Variants in SLC39A10 observed in about 807,000 individuals in gnomAD.
SLC39A10 encodes zinc transporter ZIP10.
Under a neutral mutation model 65.1 loss-of-function variants are expected in SLC39A10, and 13 were observed. That is an observed-to-expected ratio of 0.20 (90% confidence interval 0.13 to 0.32). The LOEUF (loss-of-function observed/expected upper bound fraction) is 0.32, where lower values mean the gene tolerates loss of function less well. Ranked by LOEUF, SLC39A10 falls within the 10% of genes least tolerant of loss-of-function variation. The probability of loss-of-function intolerance (pLI) is 1.00; values close to 1 mark genes in which losing one functional copy is unlikely to be tolerated. For synonymous variants in SLC39A10, 321 were observed against 342.2 expected (o/e 0.94, Z 0.68); for missense variants, 831 against 1,018.4 (o/e 0.82, Z 2.50).
intron 1 of SLC39A10, among the ~76,000 whole-genome samples, chr2:195,673,306 G>A (rs1179003928): frequency 1.3e-5 from 2 of 152,014 alleles, no homozygotes; most frequent in Non-Finnish European, 2.9e-5. Flanking sequence ...CTTCTGACAC[G>A]CCACCATGCC....
At chr2:195,716,574 T>C (rs77395426) in intron 6 of SLC39A10, 63 bp from the exon 7 acceptor site, 15 of 927,326 alleles carry the variant, frequency 1.6e-5, no homozygotes, top group African/African-American at 2.2e-5. Flanking sequence ...GCTATTCTGT[T>C]TAAATTAGCA....
intron 5 of SLC39A10, among the ~76,000 whole-genome samples, chr2:195,710,889 G>T (rs575617834): frequency 1.1e-3 from 169 of 152,152 alleles, no homozygotes; most frequent in African/African-American, 3.4e-3. Flanking sequence ...ATGGTGGGAG[G>T]GATGCCAACA....
intron 1 of SLC39A10, among the ~76,000 whole-genome samples, chr2:195,678,906 T>A (rs1277230493): frequency 6.6e-6 from 1 of 152,218 alleles, no homozygotes; most frequent in Non-Finnish European, 1.5e-5. Flanking sequence ...GAAATTAGTT[T>A]CATCTATTCT....
chr2:195,666,794 G>A (rs1689654679), intron 1 of SLC39A10, among the ~76,000 whole-genome samples: 1 of 152,180 alleles, frequency 6.6e-6, no homozygotes, highest in Non-Finnish European at 1.5e-5. Context: ...CATAATGCAT[G>A]TAACTAAAAT....
chr2:195,728,830 G>T lies in SLC39A10; in HGVS notation c.2337+481G>T, dbSNP rs1692332872. 6.6e-6 allele frequency among the ~76,000 whole-genome samples: 1 copy of T among 151,916 alleles called. No homozygotes were observed. Among genetic ancestry groups the T allele is most frequent in the Admixed American group, 6.6e-5 (1 of 15,252 alleles). ...AAATGCTAACAATTTGTTTTATTTT[G>T]ATTTTACTTTAATACCCCAAATATG... On this transcript the variant is annotated intron_variant, in intron 9 of 9. Transcript: ENST00000359634. The surrounding 1 kb of genome is among the most constrained non-coding windows in gnomAD (Gnocchi z 4.4).
Position 195,683,902 on chromosome 2 carries a change from A to G in SLC39A10, c.1212A>G (p.Ala404=), listed in dbSNP as rs267599135. The G allele has an allele frequency of 5.0e-6, 8 of 1,609,622 alleles. No individual in the cohort carries two copies. The highest frequency in any genetic ancestry group is 6.8e-6 in the Non-Finnish European group (8 of 1,177,718). The part of the protein sequence containing the change: ...LVPEDEANIG[A]SAWICGIISI... The stretch of plus-strand genomic sequence containing the variant: ...CTGAAGATGAGGCAAATATAGGGGC[A>G]TCAGGTAAGAGAGATTTTAAGTTTT... The change falls in exon 3 of 10, where the codon GCA becomes GCG. Residue 404 remains alanine, a synonymous_variant. Coordinates refer to ENST00000359634, the MANE Select transcript of SLC39A10 (RefSeq NM_020342.3).
intron 3 of SLC39A10, among the ~76,000 whole-genome samples, chr2:195,686,348 T>A (rs1036021194): frequency 6.6e-6 from 1 of 152,194 alleles, no homozygotes; most frequent in Non-Finnish European, 1.5e-5. Flanking sequence ...AAAATAAATT[T>A]AGACTAGATA....
At chr2:195,644,474 T>G (rs1264509233) in intron 2 of SLC39A10, among the ~76,000 whole-genome samples, 1 of 151,682 alleles carries the variant, frequency 6.6e-6, no homozygotes, top group African/African-American at 2.4e-5. Flanking sequence ...CTTGAGTAGC[T>G]GGGATTACAG....
intron 3 of SLC39A10, 135 bp from the exon 4 acceptor site, chr2:195,706,481 A>G (rs1691399164): frequency 1.6e-5 from 12 of 755,752 alleles, no homozygotes; most frequent in African/African-American, 1.9e-5. Flanking sequence ...TTTTTAAACA[A>G]TGCCTTAAAG....
intron 2 of SLC39A10, among the ~76,000 whole-genome samples, chr2:195,632,362 CCATCTCGGCT>C (rs1291950496): frequency 7.8e-6 from 1 of 127,432 alleles, no homozygotes; most frequent in East Asian, 2.2e-4. Context: ...TGCTGTGGTG[CCATCTCGGCT>C]CACTGCAACC....
rs922327023 is a variant in SLC39A10 at position 195,645,201 on chromosome 2, G to T, written c.-11-34831G>T. Among the ~76,000 whole-genome samples, 8 of 151,912 alleles carry T rather than the reference G, an allele frequency of 5.3e-5. No homozygotes were observed. In the East Asian group the frequency reaches 1.4e-3, roughly 26 times the overall value. On this transcript the variant is annotated intron_variant, in intron 2 of 2. Transcript: ENST00000458054. Reference sequence around the variant, plus strand: ...TGGGATTATAGGCATGAGCCACCGCGCCTGGCCATCTAACTACTTTATTTA... The same window carrying T: ...TGGGATTATAGGCATGAGCCACCGCTCCTGGCCATCTAACTACTTTATTTA...
intron 3 of SLC39A10, among the ~76,000 whole-genome samples, chr2:195,696,013 G>T (rs1370150583): frequency 2.6e-5 from 4 of 152,106 alleles, no homozygotes; most frequent in African/African-American, 4.8e-5. Context: ...TGGATATCTG[G>T]TTTTTCTTGC....
chr2:195,704,006 G>A (rs1300901362), intron 3 of SLC39A10, among the ~76,000 whole-genome samples: 1 of 151,992 alleles, frequency 6.6e-6, no homozygotes, highest in Non-Finnish European at 1.5e-5. Flanking sequence ...GTGCATTCTT[G>A]GCTAAAATAA....
chr2:195,648,118 G>A (rs536154525), intron 2 of SLC39A10, among the ~76,000 whole-genome samples: 1 of 152,182 alleles, frequency 6.6e-6, no homozygotes, highest in African/African-American at 2.4e-5. Flanking sequence ...TCACCCTCCC[G>A]AGTAGCTGGG....
At chr2:195,690,010 C>T (rs10191226) in intron 3 of SLC39A10, among the ~76,000 whole-genome samples, 2 of 151,692 alleles carry the variant, frequency 1.3e-5, no homozygotes, top group Non-Finnish European at 2.9e-5. Flanking sequence ...AACCTCATTT[C>T]TACTAAAAAT....
chr2:195,663,496 A>C (rs987969052), intron 1 of SLC39A10, among the ~76,000 whole-genome samples: 40 of 152,220 alleles, frequency 2.6e-4, no homozygotes, highest in African/African-American at 9.6e-4. Context: ...TCAGTAAAAC[A>C]ATGTAAGAAA....
In SLC39A10 at chr2:195,674,259, A is replaced by G. The variant is rs1689990807; in HGVS notation, c.-11-5773A>G. 2.0e-5 allele frequency among the ~76,000 whole-genome samples: 3 copies of G among 152,102 alleles called. No homozygotes were observed. In the South Asian group the frequency reaches 6.2e-4, roughly 32 times the overall value. Reference sequence around the variant, plus strand: ...TTGTAGCAGGCAACATAATGGTTACACAGCTGACCACTTTTCCTTATTTTA... The same window carrying G: ...TTGTAGCAGGCAACATAATGGTTACGCAGCTGACCACTTTTCCTTATTTTA... On this transcript the variant is annotated intron_variant, in intron 1 of 9. Transcript: ENST00000359634.
chr2:195,669,254 C>A (rs1363023691), intron 1 of SLC39A10, among the ~76,000 whole-genome samples: 2 of 152,056 alleles, frequency 1.3e-5, no homozygotes, highest in East Asian at 1.9e-4. Context: ...GAGACAATTT[C>A]TTTTCCCTTA....
chr2:195,733,931 G>A lies in SLC39A10; in HGVS notation c.2338-952G>A, dbSNP rs138230856. ...AGAGAATACACTGTGAGGGCAGTGTGCATGACTTGGTACTAGTTATGCTGG... is the reference window on the plus strand; with the variant it reads ...AGAGAATACACTGTGAGGGCAGTGTACATGACTTGGTACTAGTTATGCTGG... On this transcript the variant is annotated intron_variant, in intron 9 of 9. Coordinates refer to ENST00000359634, the MANE Select transcript of SLC39A10 (RefSeq NM_020342.3). 5.7e-3 allele frequency among the ~76,000 whole-genome samples: 868 copies of A among 152,204 alleles called. 8 individuals carry two copies. The highest frequency in any genetic ancestry group is 0.02 in the African/African-American group (835 of 41,540).
Sources: allele counts gnomAD v4.1 joint callset (sites outside exome capture counted in the v4.1 genomes callset), GRCh38; gene constraint gnomAD v4.1.1; non-coding constraint Gnocchi (gnomAD v3.1); transcripts MANE v1.5; gene names NCBI Gene and HGNC (gene_info 2026-07-23, HGNC 2026-07-21).